Variants in PACC1 observed in about 807,000 individuals in gnomAD.
PACC1 encodes proton activated chloride channel 1, also known as proton-activated chloride channel.
Under a neutral mutation model 39.7 loss-of-function variants are expected in PACC1, and 34 were observed. The ratio of observed to expected loss-of-function variants is 0.86; its 90% CI spans 0.65 to 1.14. The LOEUF (loss-of-function observed/expected upper bound fraction) is 1.14, where lower values mean the gene tolerates loss of function less well. Ranked by LOEUF, PACC1 falls within the 50% of genes most tolerant of loss-of-function variation. The pLI, the probability that PACC1 is intolerant of heterozygous loss-of-function variation, is 0.00. For missense variants in PACC1, 379 were observed against 436.4 expected, an observed-to-expected ratio of 0.87 and a Z score of 1.17; for synonymous variants, 127 against 160.6, an observed-to-expected ratio of 0.79 and a Z score of 1.58.
intron 2 of PACC1, among the ~76,000 whole-genome samples, chr1:212,390,221 G>A (rs556240718): frequency 4.0e-4 from 60 of 151,888 alleles, no homozygotes; most frequent in African/African-American, 1.4e-3. Flanking sequence ...TCAAGAGATC[G>A]AAACCATCCT....
intron 1 of PACC1, among the ~76,000 whole-genome samples, chr1:212,411,868 C>T (rs146072688): frequency 2.6e-5 from 4 of 152,160 alleles, no homozygotes; most frequent in African/African-American, 9.7e-5. Context: ...GGGCCTGACA[C>T]GGTGGCTCAT....
chr1:212,367,786 C>T (rs1460349101), intron 7 of PACC1, among the ~76,000 whole-genome samples: 2 of 152,138 alleles, frequency 1.3e-5, no homozygotes, highest in African/African-American at 2.4e-5. Flanking sequence ...GGAAGAATCC[C>T]GAATCCCCTA....
At chr1:212,378,324 G>A (rs1660742480) in intron 5 of PACC1, among the ~76,000 whole-genome samples, 1 of 152,240 alleles carries the variant, frequency 6.6e-6, no homozygotes, top group Admixed American at 6.5e-5. Context: ...CCCGGGGAAA[G>A]TCTTCCAGGA....
rs766339215 is a variant in PACC1, at chr1:212,387,033, C to T, written c.201G>A (p.Ser67=). The T allele has an allele frequency of 9.3e-6, 15 of 1,614,182 alleles. No homozygotes were observed. Among genetic ancestry groups the T allele is most frequent in the South Asian group, 5.5e-5 (5 of 91,084 alleles). Residue 67 remains serine, a synonymous_variant, in exon 3 of 8, where the codon TCG becomes TCA. Coordinates refer to ENST00000261455, the MANE Select transcript of PACC1 (RefSeq NM_018252.3). The part of the protein sequence containing the change: ...FSKACLKNVF[S]VLLIFIYLLL... ...GCAGGTAGATGAAGATGAGTAGGACCGAGAAGACGTTCTTCAGGCAGGCCT... is the reference window on the plus strand; with the variant it reads ...GCAGGTAGATGAAGATGAGTAGGACTGAGAAGACGTTCTTCAGGCAGGCCT...
intron 3 of PACC1, among the ~76,000 whole-genome samples, chr1:212,385,859 C>T (rs188859385): frequency 6.6e-6 from 1 of 152,276 alleles, no homozygotes; most frequent in East Asian, 1.9e-4. Flanking sequence ...GTGCAAGTCA[C>T]ATCCCAAGAG....
intron 2 of PACC1, among the ~76,000 whole-genome samples, chr1:212,395,004 A>G (rs1661461404): frequency 6.6e-6 from 1 of 152,232 alleles, no homozygotes; most frequent in South Asian, 2.1e-4. Flanking sequence ...GAACATGGCC[A>G]TACTGCCCAA....
intron 2 of PACC1, among the ~76,000 whole-genome samples, chr1:212,394,055 G>C (rs1346956267): frequency 3.9e-5 from 6 of 151,956 alleles, no homozygotes; most frequent in African/African-American, 1.4e-4. Flanking sequence ...CCAATCAATA[G>C]AAAAAGAGGG....
intron 1 of PACC1, among the ~76,000 whole-genome samples, chr1:212,410,986 T>G (rs752317364): frequency 1.3e-5 from 2 of 152,200 alleles, no homozygotes; most frequent in African/African-American, 2.4e-5. Context: ...TGTCTTCACA[T>G]GGTCATCGTC....
chr1:212,406,921 C>T (rs1661939649), intron 2 of PACC1, among the ~76,000 whole-genome samples: 1 of 152,206 alleles, frequency 6.6e-6, no homozygotes, highest in South Asian at 2.1e-4. Context: ...CCAAGTCTGG[C>T]CTCCCTCCTC....
At chr1:212,381,710 C>T (rs1660896747) in intron 4 of PACC1, among the ~76,000 whole-genome samples, 1 of 149,756 alleles carries the variant, frequency 6.7e-6, no homozygotes, top group Admixed American at 6.8e-5. Context: ...CACACACACA[C>T]ACACACACAC....
chr1:212,384,336 A>G (rs1270839782), intron 4 of PACC1, among the ~76,000 whole-genome samples: 1 of 152,174 alleles, frequency 6.6e-6, no homozygotes, highest in Non-Finnish European at 1.5e-5. Context: ...CTTAAAACCC[A>G]CTAACAGTTC....
chr1:212,389,401 T>C (rs892511065), intron 2 of PACC1, among the ~76,000 whole-genome samples: 2 of 152,106 alleles, frequency 1.3e-5, no homozygotes, highest in Non-Finnish European at 2.9e-5. Flanking sequence ...GCAGGGGAGA[T>C]AGGAGTTTAG....
chr1:212,395,443 G>A (rs1012215142), intron 2 of PACC1, among the ~76,000 whole-genome samples: 1 of 151,956 alleles, frequency 6.6e-6, no homozygotes, highest in African/African-American at 2.4e-5. Flanking sequence ...AATTCAAGAT[G>A]GATTAAAGAC....
chr1:212,382,497 T>C (rs1003222759), intron 4 of PACC1, among the ~76,000 whole-genome samples: 6 of 152,032 alleles, frequency 3.9e-5, no homozygotes, highest in Non-Finnish European at 7.4e-5. Flanking sequence ...TGGTAAAAAA[T>C]AACTACCATT....
intron 2 of PACC1, among the ~76,000 whole-genome samples, chr1:212,402,168 G>A (rs188853453): frequency 3.3e-5 from 5 of 152,214 alleles, no homozygotes; most frequent in Non-Finnish European, 5.9e-5. Context: ...CATTTCTCAC[G>A]AATATACACC....
intron 6 of PACC1, 69 bp downstream of exon 6, chr1:212,377,493 C>A: frequency 6.3e-7 from 1 of 1,594,468 alleles, no homozygotes; most frequent in Non-Finnish European, 8.6e-7. Context: ...CTCTGCAAAG[C>A]TTCCCTCCAC....
At chr1:212,379,748 A>G in intron 5 of PACC1, 147 bp downstream of exon 5, 1 of 946,152 alleles carries the variant, frequency 1.1e-6, no homozygotes. Flanking sequence ...GGCCAAGCTC[A>G]TGAGGTCCCT....
At position 212,387,034 on chromosome 1, in the gene PACC1, G is replaced by C; in HGVS notation, c.200C>G (p.Ser67Trp). Residue 67 changes from serine to tryptophan, a missense_variant, in exon 3 of 8, where the codon TCG becomes TGG. Coordinates refer to ENST00000261455, the MANE Select transcript of PACC1 (RefSeq NM_018252.3). Reference sequence around the variant, plus strand: ...CAGGTAGATGAAGATGAGTAGGACCGAGAAGACGTTCTTCAGGCAGGCCTT... The same window carrying C: ...CAGGTAGATGAAGATGAGTAGGACCCAGAAGACGTTCTTCAGGCAGGCCTT... ...FSKACLKNVF[S>W]VLLIFIYLLL... is the part of the protein sequence containing the mutation. 1 of 1,614,230 alleles carries C rather than the reference G, an allele frequency of 6.2e-7. No homozygotes were observed. Among genetic ancestry groups the C allele is most frequent in the South Asian group, 1.1e-5 (1 of 91,082 alleles).
intron 7 of PACC1, among the ~76,000 whole-genome samples, chr1:212,372,282 CA>C (rs56708545): frequency 0.82 from 106,719 of 130,764 alleles, 42,611 homozygotes; most frequent in African/African-American, 0.89. Flanking sequence ...GAAACTGTGT[CA>C]AAAAAAAAAA....
Sources: allele counts gnomAD v4.1 joint callset (sites outside exome capture counted in the v4.1 genomes callset), GRCh38; gene constraint gnomAD v4.1.1; transcripts MANE v1.5; gene names NCBI Gene and HGNC (gene_info 2026-07-23, HGNC 2026-07-21).